Variants in MACROD2 observed in about 807,000 individuals in gnomAD.
MACROD2 encodes mono-ADP ribosylhydrolase 2.
A neutral mutation model predicts 70.4 loss-of-function variants in MACROD2; 36 were observed. The ratio of observed to expected loss-of-function variants is 0.51; its 90% CI spans 0.39 to 0.68. The LOEUF is 0.68. MACROD2 is among the 30% of genes least tolerant of loss of function. The pLI, the probability that MACROD2 is intolerant of heterozygous loss-of-function variation, is 0.00. For missense variants in MACROD2, 496 were observed against 538.4 expected (o/e 0.92, Z 0.78); for synonymous variants, 172 against 178.8 (o/e 0.96, Z 0.30).
At chr20:14,442,702 C>T (rs1186744566) in intron 3 of MACROD2, among the ~76,000 whole-genome samples, 1 of 152,026 alleles carries the variant, frequency 6.6e-6, no homozygotes, top group African/African-American at 2.4e-5. Flanking sequence ...CCCAAGCAGT[C>T]AACAGACTAT....
intron 6 of MACROD2, among the ~76,000 whole-genome samples, chr20:15,417,070 C>T (rs894684695): frequency 6.6e-5 from 10 of 152,156 alleles, no homozygotes; most frequent in African/African-American, 2.4e-4. Context: ...CAAGACTCTG[C>T]AGGCGTGAAA....
chr20:15,148,626 G>T (rs1374676264), intron 5 of MACROD2, among the ~76,000 whole-genome samples: 2 of 151,956 alleles, frequency 1.3e-5, no homozygotes, highest in African/African-American at 4.8e-5. Context: ...CAAGTTTTTT[G>T]GGGCGCAGTC....
At chr20:15,383,912 G>A (rs1007369793) in intron 6 of MACROD2, among the ~76,000 whole-genome samples, 10 of 151,890 alleles carry the variant, frequency 6.6e-5, no homozygotes, top group African/African-American at 2.4e-4. Flanking sequence ...CTAAAAAAGT[G>A]GCCATTAATT....
At chr20:14,261,092 A>G (rs73901221) in intron 3 of MACROD2, among the ~76,000 whole-genome samples, 2,612 of 152,318 alleles carry the variant, frequency 0.017, 74 homozygotes, top group African/African-American at 0.058. Context: ...AAATTTGGAT[A>G]CATAGTGAAA....
Position 15,215,252 on chromosome 20 carries a change from TTGTGTG to T in MACROD2, c.419-14648_419-14643del, listed in dbSNP as rs376439581. Among the ~76,000 whole-genome samples the T allele has an allele frequency of 1.8e-3, 242 of 135,544 alleles. 4 individuals are homozygous for T. The highest frequency in any genetic ancestry group is 7.4e-3 in the South Asian group (30 of 4,046). 88.9% of individuals were successfully genotyped at this position (135,544 alleles called of 152,430 possible). A position where few individuals can be genotyped will look rare whatever the true frequency, so the allele number is the denominator to read the frequency against. ...TTTTTTCTCCTTTTTCTCCTGTATT[TTGTGTG>T]TGTGTGTGTGTGTGTGTGTGTGTGT... On this transcript the variant is annotated intron_variant, in intron 5 of 17. Coordinates refer to ENST00000684519, the MANE Select transcript of MACROD2 (RefSeq NM_001351661.2).
chr20:14,918,627 T>G (rs1035096661), intron 5 of MACROD2, among the ~76,000 whole-genome samples: 15 of 151,476 alleles, frequency 9.9e-5, no homozygotes, highest in African/African-American at 3.4e-4. Flanking sequence ...GTTTTTTTTT[T>G]TTTTTCTGGA....
rs567078030 is a variant in MACROD2 at position 14,821,417 on chromosome 20, C to CA, written c.418+136466dup. Among the ~76,000 whole-genome samples the CA allele has an allele frequency of 2.2e-4, 33 of 151,466 alleles. 1 individual carries two copies. Among genetic ancestry groups the CA allele is most frequent in the South Asian group, 1.7e-3 (8 of 4,788 alleles). ...GGTTGGAATAACCTGGAGAGCTTAC[C>CA]AAAAAAAATCCTTATCTCTGAGTAC... On this transcript the variant is annotated intron_variant, in intron 5 of 17. Coordinates refer to ENST00000684519, the MANE Select transcript of MACROD2 (RefSeq NM_001351661.2).
At chr20:15,609,423 C>T (rs1007211007) in intron 8 of MACROD2, among the ~76,000 whole-genome samples, 1 of 152,210 alleles carries the variant, frequency 6.6e-6, no homozygotes, top group Admixed American at 6.5e-5. Flanking sequence ...CATTAGCTCA[C>T]AGCAATATTG....
intron 4 of MACROD2, among the ~76,000 whole-genome samples, chr20:14,543,359 C>G (rs989311904): frequency 2.0e-5 from 3 of 152,198 alleles, no homozygotes; most frequent in African/African-American, 7.2e-5. Context: ...CACAACCACT[C>G]TATCTCAAAT....
intron 5 of MACROD2, among the ~76,000 whole-genome samples, chr20:14,991,578 G>A (rs528014765): frequency 6.6e-6 from 1 of 152,200 alleles, no homozygotes; most frequent in African/African-American, 2.4e-5. Flanking sequence ...ACTATGATAA[G>A]GACCAAGTTA....
At chr20:14,273,407 C>A (rs1221521136) in intron 3 of MACROD2, among the ~76,000 whole-genome samples, 3 of 149,398 alleles carry the variant, frequency 2.0e-5, no homozygotes, top group Non-Finnish European at 3.0e-5. Flanking sequence ...GGGTACATAA[C>A]GAAATGAAGG....
Position 15,178,116 on chromosome 20 carries a change from G to A in MACROD2, c.419-51824G>A, listed in dbSNP as rs549431325. ...ATGTAAGAAAAATATGAGAGTGAAT[G>A]TACTGCCTCAGGTTACTTAAAAGCC... On this transcript the variant is annotated intron_variant, in intron 5 of 17. Coordinates refer to ENST00000684519, the MANE Select transcript of MACROD2 (RefSeq NM_001351661.2). 6.1e-4 allele frequency among the ~76,000 whole-genome samples: 93 copies of A among 152,256 alleles called. 2 individuals carry two copies. In the South Asian group the frequency reaches 0.018, roughly 30 times the overall value.
intron 8 of MACROD2, among the ~76,000 whole-genome samples, chr20:15,580,227 C>G (rs2048505008): frequency 1.3e-5 from 2 of 152,182 alleles, no homozygotes; most frequent in Admixed American, 1.3e-4. Flanking sequence ...GCCAATCTAC[C>G]TGCATCTGAA....
At chr20:15,684,711 A>G (rs1345261930) in intron 8 of MACROD2, among the ~76,000 whole-genome samples, 1 of 152,196 alleles carries the variant, frequency 6.6e-6, no homozygotes, top group Non-Finnish European at 1.5e-5. Context: ...CCGTGTGGTA[A>G]GTGGGAAAAC....
At chr20:14,519,886 T>C (rs2085145345) in intron 4 of MACROD2, among the ~76,000 whole-genome samples, 1 of 152,088 alleles carries the variant, frequency 6.6e-6, no homozygotes, top group South Asian at 2.1e-4. Flanking sequence ...TATGCAGCCA[T>C]AAAAGGAACG....
intron 5 of MACROD2, among the ~76,000 whole-genome samples, chr20:15,120,259 GGA>G (rs2076020333): frequency 2.2e-5 from 1 of 45,708 alleles, no homozygotes; most frequent in Non-Finnish European, 4.2e-5. Flanking sequence ...TTTTTAAGGG[GGA>G]GTGTGTGTGT....
chr20:14,959,984 G>T (rs1245321592), intron 5 of MACROD2, among the ~76,000 whole-genome samples: 2 of 152,256 alleles, frequency 1.3e-5, no homozygotes, highest in East Asian at 3.9e-4. Flanking sequence ...TGTCTCATTG[G>T]TTTACTCATG....
intron 3 of MACROD2, among the ~76,000 whole-genome samples, chr20:14,328,640 T>G (rs137919181): frequency 5.7e-4 from 87 of 152,248 alleles, no homozygotes; most frequent in African/African-American, 1.8e-3. Context: ...TATATTATTT[T>G]CCTGGTGAGG....
At chr20:14,656,983 C>A (rs987361312) in intron 4 of MACROD2, among the ~76,000 whole-genome samples, 2 of 152,130 alleles carry the variant, frequency 1.3e-5, no homozygotes, top group East Asian at 1.9e-4. Flanking sequence ...CCTGTCATAA[C>A]ATGTATGTGA....
Sources: allele counts gnomAD v4.1 joint callset (sites outside exome capture counted in the v4.1 genomes callset), GRCh38; gene constraint gnomAD v4.1.1; transcripts MANE v1.5; gene names NCBI Gene and HGNC (gene_info 2026-07-23, HGNC 2026-07-21).